Variants in SPATA2 observed in about 807,000 individuals in gnomAD.
SPATA2 encodes the protein spermatogenesis associated 2.
A neutral mutation model predicts 35.4 loss-of-function variants in SPATA2; 8 were observed. That is an observed-to-expected ratio of 0.23 (90% CI 0.13 to 0.41). The LOEUF (loss-of-function observed/expected upper bound fraction) is 0.41, where lower values mean the gene tolerates loss of function less well. Ranked by LOEUF, SPATA2 falls within the 10% of genes least tolerant of loss-of-function variation. The pLI, the probability that SPATA2 is intolerant of heterozygous loss-of-function variation, is 1.00. For synonymous variants in SPATA2, 293 were observed against 300.9 expected (o/e 0.97, Z 0.27); for missense variants, 650 against 698.7 (o/e 0.93, Z 0.79).
At position 49,908,260 on chromosome 20, in the gene SPATA2, G is replaced by A. The variant is rs2090160200; in HGVS notation, c.231C>T (p.Leu77=). Residue 77 remains leucine, a synonymous_variant, in exon 2 of 3, where the codon CTC becomes CTT. Coordinates refer to ENST00000289431, the MANE Select transcript of SPATA2 (RefSeq NM_006038.4). ...GCAGAGCCCGCAGGCTAGAGGAGCT[G>A]AGCGAGCGCAAGGAGCTCTCCACCA... ...YEVVESSLRS[L]SSSSLRALHG... The A allele has an allele frequency of 6.2e-7, 1 of 1,614,160 alleles. No homozygotes were observed.
At position 49,904,013 on chromosome 20, in the gene SPATA2, C is replaced by G. The variant is rs1006152774; in HGVS notation, c.*1606G>C. 1 of 148,816 alleles carries G rather than the reference C, an allele frequency of 6.7e-6. No homozygotes were observed. The highest frequency in any genetic ancestry group is 1.5e-5 in the Non-Finnish European group (1 of 67,378). The allele number at this position is 148,816 out of a possible 1,614,324, so 9.2% of individuals were successfully genotyped here. A position where few individuals can be genotyped will look rare whatever the true frequency, so the allele number is the denominator to read the frequency against. ...AAATCACTCAACTGAGTTGGAAGAACATCAGCAAATTCACAGTGGCCTCAG... is the reference window on the plus strand; with the variant it reads ...AAATCACTCAACTGAGTTGGAAGAAGATCAGCAAATTCACAGTGGCCTCAG... On this transcript the variant is annotated 3_prime_UTR_variant, in exon 3 of 3. Coordinates refer to ENST00000289431, the MANE Select transcript of SPATA2 (RefSeq NM_006038.4).
chr20:49,906,439 G>A lies in SPATA2; in HGVS notation c.743C>T (p.Thr248Ile). 1 of 1,612,266 alleles carries A rather than the reference G, an allele frequency of 6.2e-7. No homozygotes were observed. Among genetic ancestry groups the A allele is most frequent in the Non-Finnish European group, 8.5e-7 (1 of 1,179,986 alleles). Residue 248 changes from threonine (T) to isoleucine (I), a missense_variant, in exon 3 of 3, where the codon ACC (threonine) becomes ATC (isoleucine). Physicochemically the swap from Thr to Ile is moderately conservative, Grantham distance 89 (BLOSUM62 -1). Coordinates refer to ENST00000289431, the MANE Select transcript of SPATA2 (RefSeq NM_006038.4). The surrounding 1 kb of genome is among the most constrained non-coding windows in gnomAD (Gnocchi z 8.2). Reference protein sequence around the residue: ...AAKDYYKPRVTKPSRSVDAYD... With the variant: ...AAKDYYKPRVIKPSRSVDAYD... Reference sequence around the variant, plus strand: ...GGCATCCACTGACCTCGAGGGCTTGGTCACGCGGGGCTTGTAGTAGTCCTT... The same window carrying A: ...GGCATCCACTGACCTCGAGGGCTTGATCACGCGGGGCTTGTAGTAGTCCTT...
intron 1 of SPATA2, chr20:49,913,822 G>C (rs1451735767): frequency 6.6e-6 from 1 of 152,112 alleles, no homozygotes; most frequent in Non-Finnish European, 1.5e-5. Flanking sequence ...CATTTTCTGA[G>C]AATACAAGAT....
At position 49,906,301 on chromosome 20, in the gene SPATA2, G is replaced by A; in HGVS notation, c.881C>T (p.Pro294Leu). Residue 294 changes from proline (P) to leucine (L), a missense_variant, in exon 3 of 3, where the codon CCA becomes CTA. Transcript: ENST00000289431. The surrounding 1 kb of genome is among the most constrained non-coding windows in gnomAD (Gnocchi z 8.2). ...GGCCATGGTCAGCAGCGAAGGGGAT[G>A]GGCGGATGATCTCATCCTTGAGGTC... is the stretch of plus-strand genomic sequence containing the variant. Reference protein sequence around the residue: ...GDDLKDEIIRPSPSLLTMASS... With the variant: ...GDDLKDEIIRLSPSLLTMASS... The A allele has an allele frequency of 6.3e-7, 1 of 1,588,784 alleles. No homozygotes were observed. Among genetic ancestry groups the A allele is most frequent in the Non-Finnish European group, 8.6e-7 (1 of 1,166,162 alleles).
chr20:49,905,533 T>G lies in SPATA2; in HGVS notation c.*86A>C. The G allele has an allele frequency of 7.5e-5, 110 of 1,470,624 alleles. No homozygotes were observed. Among genetic ancestry groups the G allele is most frequent in the Non-Finnish European group, 9.2e-5 (99 of 1,075,024 alleles). The allele number at this position is 1,470,624 out of a possible 1,614,324, so 91.1% of individuals were successfully genotyped here. A position where few individuals can be genotyped will look rare whatever the true frequency, so the allele number is the denominator to read the frequency against. On this transcript the variant is annotated 3_prime_UTR_variant, in exon 3 of 3. Coordinates refer to ENST00000289431, the MANE Select transcript of SPATA2 (RefSeq NM_006038.4). ...ATGGTCAAGTGCAGGCCTCCGCCTC[T>G]GAGATCAATGCGTTAGTACTTCTTC...
chr20:49,910,706 A>C (rs1387850192), intron 1 of SPATA2, among the ~76,000 whole-genome samples: 1 of 152,186 alleles, frequency 6.6e-6, no homozygotes, highest in African/African-American at 2.4e-5. Context: ...CAGGAGGTCA[A>C]CAAAATCATC....
Position 49,905,400 on chromosome 20 carries a change from T to C in SPATA2, c.*219A>G, listed in dbSNP as rs2090134309. ...TTAGCAAAATGAATCTGAACGGAAG[T>C]GCCACCTTCTCCCTTGTCAGACAAC... On this transcript the variant is annotated 3_prime_UTR_variant, in exon 3 of 3. Transcript: ENST00000289431. 3.5e-6 allele frequency: 2 copies of C among 576,862 alleles called. No individual in the cohort carries two copies. The highest frequency in any genetic ancestry group is 2.3e-5 in the South Asian group (1 of 42,744). The allele number at this position is 576,862 out of a possible 1,614,324, so 35.7% of individuals were successfully genotyped here.
At position 49,903,551 on chromosome 20, in the gene SPATA2, CA is replaced by C. The variant is rs546398390; in HGVS notation, c.*2067del. 2.6e-5 allele frequency: 4 copies of C among 152,296 alleles called. No homozygotes were observed. The South Asian group carries it at 8.3e-4, about 32-fold the overall frequency. The allele number at this position is 152,296 out of a possible 1,614,324, so 9.4% of individuals were successfully genotyped here. On this transcript the variant is annotated 3_prime_UTR_variant, in exon 3 of 3. Coordinates refer to ENST00000289431, the MANE Select transcript of SPATA2 (RefSeq NM_006038.4). Reference sequence around the variant, plus strand: ...ATCCAGTAAGATGCACACCTGGGAGCAGGGCTGTAGTATTTCGTATTCCAGT... The same window carrying C: ...ATCCAGTAAGATGCACACCTGGGAGCGGGCTGTAGTATTTCGTATTCCAGT...
chr20:49,903,926 T>G lies in SPATA2; in HGVS notation c.*1693A>C, dbSNP rs1011940029. On this transcript the variant is annotated 3_prime_UTR_variant, in exon 3 of 3. Transcript: ENST00000289431. ...AGATATATATATATATATATATATA[T>G]ATATATATATATATATATATATATA... The G allele has an allele frequency of 2.7e-3, 344 of 127,606 alleles. 7 individuals carry two copies. The highest frequency in any genetic ancestry group is 7.4e-3 in the Admixed American group (95 of 12,752). 7.9% of individuals were successfully genotyped at this position (127,606 alleles called of 1,614,324 possible).
chr20:49,909,890 A>G (rs2090173196), intron 1 of SPATA2, among the ~76,000 whole-genome samples: 1 of 152,122 alleles, frequency 6.6e-6, no homozygotes, highest in Non-Finnish European at 1.5e-5. Context: ...TCTTATTTAC[A>G]ATTTTCAAAA....
chr20:49,910,410 G>A (rs982021767), intron 1 of SPATA2, among the ~76,000 whole-genome samples: 1 of 152,204 alleles, frequency 6.6e-6, no homozygotes, highest in African/African-American at 2.4e-5. Flanking sequence ...TGAAGGTGCT[G>A]TACCCCTAAG....
At position 49,906,552 on chromosome 20, in the gene SPATA2, G is replaced by A. The variant is rs1363597771; in HGVS notation, c.630C>T (p.Ala210=). ...SAEDVRGCSD[A]LRRRAEGREH... is the part of the protein sequence containing the mutation. ...CCCGGCCCTCTGCCCGCCGCCGCAG[G>A]GCGTCCGAGCAGCCGCGCACATCCT... Residue 210 remains alanine, a synonymous_variant, in exon 3 of 3, where the codon GCC becomes GCT. Coordinates refer to ENST00000289431, the MANE Select transcript of SPATA2 (RefSeq NM_006038.4). This position sits in a 1 kb window ranked among gnomAD's most constrained non-coding sequence, Gnocchi z 8.2. 5 of 1,613,662 alleles carry A rather than the reference G, an allele frequency of 3.1e-6. No homozygotes were observed. Among genetic ancestry groups the A allele is most frequent in the Non-Finnish European group, 1.7e-6 (2 of 1,179,944 alleles).
At chr20:49,910,878 T>G (rs1380661975) in intron 1 of SPATA2, among the ~76,000 whole-genome samples, 1 of 152,148 alleles carries the variant, frequency 6.6e-6, no homozygotes, top group East Asian at 1.9e-4. Context: ...GGGAGCCCAG[T>G]GCTACAGTGA....
intron 1 of SPATA2, among the ~76,000 whole-genome samples, chr20:49,909,195 G>A (rs552612996): frequency 6.6e-6 from 1 of 152,120 alleles, no homozygotes; most frequent in African/African-American, 2.4e-5. Flanking sequence ...GTTAATTTTT[G>A]TATTTTTAGT....
Position 49,905,659 on chromosome 20 carries a change from T to C in SPATA2, c.1523A>G (p.Asn508Ser), listed in dbSNP as rs1390231809. The change falls in exon 3 of 3, where the codon AAC becomes AGC. Residue 508 changes from asparagine (N) to serine (S), a missense_variant. By Grantham distance (46) the Asn-to-Ser change is conservative. Transcript: ENST00000289431. ...ATGGGAGAGCTGGGTGGACTTGTAG[T>C]TCAGCTGGTTGTTGGGCATGAACTT... The part of the protein sequence containing the change: ...LHKFMPNNQL[N>S]YKSTQLSHLV... 2.5e-6 allele frequency: 4 copies of C among 1,614,222 alleles called. No homozygotes were observed. The highest frequency in any genetic ancestry group is 2.2e-5 in the East Asian group (1 of 44,890).
chr20:49,903,648 G>C lies in SPATA2; in HGVS notation c.*1971C>G, dbSNP rs2090120071. The C allele has an allele frequency of 6.6e-6, 1 of 151,998 alleles. No homozygotes were observed. 9.4% of individuals were successfully genotyped at this position (151,998 alleles called of 1,614,324 possible). ...CTCCTAGGATGTGTTAGTCATTCCTGCTTTTGTCCATAGGGTAAGTTACGT... is the reference window on the plus strand; with the variant it reads ...CTCCTAGGATGTGTTAGTCATTCCTCCTTTTGTCCATAGGGTAAGTTACGT... On this transcript the variant is annotated 3_prime_UTR_variant, in exon 3 of 3. Coordinates refer to ENST00000289431, the MANE Select transcript of SPATA2 (RefSeq NM_006038.4).
chr20:49,913,185 C>T (rs1361557144), intron 1 of SPATA2, among the ~76,000 whole-genome samples: 1 of 152,184 alleles, frequency 6.6e-6, no homozygotes, highest in Non-Finnish European at 1.5e-5. Context: ...TTGGGCTTCC[C>T]ACTTTACCTA....
rs766277155 is a variant in SPATA2 at position 49,908,245 on chromosome 20, C to G, written c.246G>C (p.Leu82=). The part of the protein sequence containing the change: ...SSLRSLSSSS[L]RALHGAFSML... The stretch of plus-strand genomic sequence containing the variant: ...TGCTGAAGGCGCCGTGCAGAGCCCG[C>G]AGGCTAGAGGAGCTGAGCGAGCGCA... The change falls in exon 2 of 3, where the codon CTG becomes CTC. Residue 82 remains leucine (L), a synonymous_variant. Transcript: ENST00000289431. 1.9e-6 allele frequency: 3 copies of G among 1,614,062 alleles called. No individual in the cohort carries two copies. The highest frequency in any genetic ancestry group is 1.7e-6 in the Non-Finnish European group (2 of 1,180,056).
At chr20:49,907,802 C>T (rs2090157248) in intron 2 of SPATA2, among the ~76,000 whole-genome samples, 1 of 150,682 alleles carries the variant, frequency 6.6e-6, no homozygotes, top group Non-Finnish European at 1.5e-5. Flanking sequence ...CCTCCCCCCA[C>T]CCCTCTACAG....
Sources: gnomAD v4.1 joint callset for allele counts (sites outside exome capture counted in the v4.1 genomes callset) on GRCh38, gnomAD v4.1.1 for gene constraint, Gnocchi (gnomAD v3.1) non-coding constraint, MANE v1.5 for transcripts, NCBI Gene and HGNC (gene_info 2026-07-23, HGNC 2026-07-21) for gene names.